The following DCP2 variants were observed in gnomAD, a reference collection of about 807,000 sequenced individuals.
DCP2 encodes decapping mRNA 2.
DCP2 carries 30 observed loss-of-function variants against 56.1 expected under a neutral mutation model. That is an observed-to-expected ratio of 0.53 (90% confidence interval 0.40 to 0.73). DCP2 has a LOEUF of 0.73. DCP2 is among the 30% of genes least tolerant of loss of function. The pLI is 0.00. For synonymous variants in DCP2, 197 were observed against 163.3 expected (o/e 1.21, Z -1.57); for missense variants, 533 against 502.7 (o/e 1.06, Z -0.58).
intron 1 of DCP2, chr5:112,984,020 G>A (rs1748131671): frequency 1.3e-5 from 2 of 152,104 alleles, no homozygotes; most frequent in Non-Finnish European, 2.9e-5. Flanking sequence ...AATTAAGGAG[G>A]ATGAAAACAA....
intron 9 of DCP2, among the ~76,000 whole-genome samples, chr5:113,010,515 C>G (rs954037157): frequency 2.0e-5 from 3 of 152,032 alleles, no homozygotes; most frequent in Non-Finnish European, 4.4e-5. Flanking sequence ...CAATACTTGT[C>G]TATTTTTTTG....
At chr5:112,986,552 G>A (rs894758219) in intron 2 of DCP2, among the ~76,000 whole-genome samples, 1 of 151,846 alleles carries the variant, frequency 6.6e-6, no homozygotes, top group Admixed American at 6.6e-5. Flanking sequence ...TGCTGAGGCT[G>A]GTCTTGAACT....
intron 4 of DCP2, among the ~76,000 whole-genome samples, chr5:113,000,420 A>ACACACACACACACACACCCCCC (rs112449298): frequency 1.4e-5 from 2 of 146,652 alleles, no homozygotes; most frequent in African/African-American, 5.0e-5. Context: ...ACACACACAC[A>ACACACACACACACACACCCCCC]CACACCCACA....
chr5:112,983,260 G>T (rs1019171430), intron 1 of DCP2, among the ~76,000 whole-genome samples: 4 of 152,126 alleles, frequency 2.6e-5, no homozygotes, highest in African/African-American at 9.7e-5. Context: ...AAAACACTAC[G>T]CTGAATAATT....
Position 113,007,986 on chromosome 5 carries a change from A to C in DCP2, c.991A>C (p.Asn331His). The C allele has an allele frequency of 1.2e-6, 2 of 1,614,086 alleles. No individual in the cohort carries two copies. The highest frequency in any genetic ancestry group is 1.7e-6 in the Non-Finnish European group (2 of 1,179,970). Reference protein sequence around the residue: ...NGRKQYQDSPNQKKRTNGLQP... With the variant: ...NGRKQYQDSPHQKKRTNGLQP... ...CAGAAAACAGTATCAAGATTCACCT[A>C]ATCAAAAGAAAAGAACAAATGGGCT... The change falls in exon 9 of 11, where the codon AAT (asparagine) becomes CAT (histidine). Residue 331 changes from asparagine to histidine, a missense_variant. By Grantham distance (68) the Asn-to-His change is moderately conservative. This residue lies in a region of DCP2 where 392 missense variants were observed against 346.6 expected (regional missense o/e 1.13). Transcript: ENST00000389063.
Position 113,013,443 on chromosome 5 carries a change from A to C in DCP2, c.1222A>C (p.Lys408Gln). The stretch of plus-strand genomic sequence containing the variant: ...TTCATCCAGAGCCTTTTTGAGTTTC[A>C]AGTTTGACCATAATGCTATAATGAA... ...PFSSRAFLSF[K>Q]FDHNAIMKIL... is the part of the protein sequence containing the mutation. The change falls in exon 11 of 11, where the codon AAG becomes CAG. Residue 408 changes from lysine (K) to glutamine (Q), a missense_variant. Lys to Gln is a moderately conservative substitution (Grantham distance 53). Coordinates refer to ENST00000389063, the MANE Select transcript of DCP2 (RefSeq NM_152624.6). The C allele has an allele frequency of 6.2e-7, 1 of 1,614,072 alleles. No homozygotes were observed. Among genetic ancestry groups the C allele is most frequent in the Non-Finnish European group, 8.5e-7 (1 of 1,179,984 alleles).
chr5:112,978,954 C>G (rs1018846736), intron 1 of DCP2, among the ~76,000 whole-genome samples: 1 of 152,074 alleles, frequency 6.6e-6, no homozygotes, highest in Non-Finnish European at 1.5e-5. Flanking sequence ...AGTCTTCCTT[C>G]TAGTATTGGG....
At chr5:112,992,901 C>A (rs13162642) in intron 4 of DCP2, 131 bp downstream of exon 4, 1 of 115,964 alleles carries the variant, frequency 8.6e-6, no homozygotes, top group Non-Finnish European at 1.5e-5. Context: ...AAGTAACTTA[C>A]TTTTTTTTTT....
In DCP2 at chr5:113,021,857, G is replaced by C. The variant is rs532069221; in HGVS notation, c.*8373G>C. Among the ~76,000 whole-genome samples the C allele has an allele frequency of 9.7e-4, 148 of 152,262 alleles. No individual in the cohort carries two copies. The highest frequency in any genetic ancestry group is 3.3e-3 in the African/African-American group (136 of 41,562). ...CCATTTTAATGATCTTTCTTTAAGA[G>C]GGGAAAAGACTCTCTTCAATAGATA... On this transcript the variant is annotated 3_prime_UTR_variant, in exon 11 of 11. Transcript: ENST00000389063.
At chr5:113,005,951 G>A (rs550920679) in intron 8 of DCP2, among the ~76,000 whole-genome samples, 1 of 151,918 alleles carries the variant, frequency 6.6e-6, no homozygotes, top group Non-Finnish European at 1.5e-5. Flanking sequence ...TGGGCAGCAT[G>A]TCTCTACTAC....
chr5:112,983,074 G>A (rs1228687539), intron 1 of DCP2, among the ~76,000 whole-genome samples: 1 of 152,180 alleles, frequency 6.6e-6, no homozygotes, highest in Non-Finnish European at 1.5e-5. Context: ...GATTTCACAG[G>A]TCTTAAATGC....
At position 113,004,520 on chromosome 5, in the gene DCP2, A is replaced by G. The variant is rs192852381; in HGVS notation, c.942+443A>G. ...TCTAAGCACCACAGTTTATTTATTCATAACACTGTTAATGCACATTTTGGT... is the reference window on the plus strand; with the variant it reads ...TCTAAGCACCACAGTTTATTTATTCGTAACACTGTTAATGCACATTTTGGT... On this transcript the variant is annotated intron_variant, in intron 8 of 10. Transcript: ENST00000389063. Among the ~76,000 whole-genome samples the G allele has an allele frequency of 1.9e-4, 29 of 152,334 alleles. 1 individual carries two copies. The highest frequency in any genetic ancestry group is 3.4e-3 in the Middle Eastern group (1 of 294).
At position 113,007,956 on chromosome 5, in the gene DCP2, A is replaced by C. The variant is rs1749516823; in HGVS notation, c.961A>C (p.Asn321His). Residue 321 changes from asparagine to histidine, a missense_variant, in exon 9 of 11, where the codon AAT becomes CAT. Around this residue, in one of 3 missense-constraint regions of DCP2, gnomAD observed 392 missense variants for 346.6 expected, o/e 1.13. Coordinates refer to ENST00000389063, the MANE Select transcript of DCP2 (RefSeq NM_152624.6). Reference sequence around the variant, plus strand: ...AAAACAGAATCAAAGTATGAGGGGAAATGGCAGAAAACAGTATCAAGATTC... The same window carrying C: ...AAAACAGAATCAAAGTATGAGGGGACATGGCAGAAAACAGTATCAAGATTC... Reference protein sequence around the residue: ...LKGKNQSMRGNGRKQYQDSPN... With the variant: ...LKGKNQSMRGHGRKQYQDSPN... 5.0e-6 allele frequency: 8 copies of C among 1,613,824 alleles called. No individual in the cohort carries two copies. Among genetic ancestry groups the C allele is most frequent in the Non-Finnish European group, 6.8e-6 (8 of 1,179,824 alleles).
chr5:113,007,143 T>C (rs55940904), intron 8 of DCP2, among the ~76,000 whole-genome samples: 2,189 of 152,078 alleles, frequency 0.014, 33 homozygotes, highest in Non-Finnish European at 0.018. Context: ...AAAAAAATAA[T>C]AGTAATCTTT....
chr5:113,002,550 C>T (rs1749228610), intron 7 of DCP2, among the ~76,000 whole-genome samples: 1 of 151,968 alleles, frequency 6.6e-6, no homozygotes, highest in South Asian at 2.1e-4. Flanking sequence ...GAGGCAGGGT[C>T]TCTCTCTGTT....
At chr5:112,993,115 C>T (rs1748673015) in intron 4 of DCP2, among the ~76,000 whole-genome samples, 1 of 151,986 alleles carries the variant, frequency 6.6e-6, no homozygotes, top group African/African-American at 2.4e-5. Flanking sequence ...GCCTTGGCTT[C>T]CTGACAAGTG....
chr5:112,984,699 A>ATATATATATATATAT (rs377520502), intron 1 of DCP2: 80 of 78,478 alleles, frequency 1.0e-3, no homozygotes, highest in East Asian at 2.8e-3. Flanking sequence ...AAAAAAAAAA[A>ATATATATATATATAT]AAAAATATAT....
Position 113,014,052 on chromosome 5 carries a change from A to AAT in DCP2, c.*572_*573dup, listed in dbSNP as rs1749786610. On this transcript the variant is annotated 3_prime_UTR_variant, in exon 11 of 11. Transcript: ENST00000389063. ...AAAGGATTTATTGAGCAGCTTCTGG[A>AAT]ATATAATGTGCATGTCCAAAATGAA... The AAT allele has an allele frequency of 6.6e-6, 1 of 152,320 alleles. No individual in the cohort carries two copies. Among genetic ancestry groups the AAT allele is most frequent in the Non-Finnish European group, 1.5e-5 (1 of 68,160 alleles). 9.4% of individuals were successfully genotyped at this position (152,320 alleles called of 1,614,324 possible).
intron 9 of DCP2, among the ~76,000 whole-genome samples, chr5:113,009,011 T>A (rs1034262470): frequency 1.3e-5 from 2 of 151,446 alleles, no homozygotes; most frequent in African/African-American, 4.8e-5. Flanking sequence ...CCCTGGCTAA[T>A]TTTTTTTTGT....
Sources: gnomAD v4.1 joint callset for allele counts (sites outside exome capture counted in the v4.1 genomes callset) on GRCh38, gnomAD v4.1.1 for gene constraint, gnomAD v4.1.1 regional missense constraint, MANE v1.5 for transcripts, NCBI Gene and HGNC (gene_info 2026-07-23, HGNC 2026-07-21) for gene names.